Variants in NOPCHAP1 observed in about 807,000 individuals in gnomAD.
The protein encoded by NOPCHAP1 is NOP protein chaperone 1, also known as DNA damage-sensitive RNA 1.
NOPCHAP1 carries 13 observed loss-of-function variants against 14.0 expected under a neutral mutation model. The observed-to-expected ratio is 0.93, with a 90% CI of 0.60 to 1.47. The LOEUF is 1.47. Ranked by LOEUF, NOPCHAP1 falls within the 40% of genes most tolerant of loss-of-function variation. The probability of loss-of-function intolerance (pLI) is 0.00; values close to 1 mark genes in which losing one functional copy is unlikely to be tolerated. For missense variants in NOPCHAP1, 230 were observed against 226.9 expected, an observed-to-expected ratio of 1.01 and a Z score of -0.09; for synonymous variants, 78 against 78.4, an observed-to-expected ratio of 1.00 and a Z score of 0.03.
At position 105,016,209 on chromosome 12, in the gene NOPCHAP1, GACT is replaced by G; in HGVS notation, c.*21515_*21517del. The G allele has an allele frequency of 6.6e-6, 1 of 152,092 alleles. No individual in the cohort carries two copies. Among genetic ancestry groups the G allele is most frequent in the Non-Finnish European group, 1.5e-5 (1 of 68,018 alleles). 9.4% of individuals were successfully genotyped at this position (152,092 alleles called of 1,614,324 possible). ...ATGACGGATATCTCAGTAGTGAAAA[GACT>G]ATAGGAAATGAAGAAGTAATTCACA... On this transcript the variant is annotated 3_prime_UTR_variant, in exon 4 of 4. Coordinates refer to ENST00000552951, the MANE Select transcript of NOPCHAP1 (RefSeq NM_152318.3).
At chr12:104,986,794 G>C (rs2136024407) in intron 1 of NOPCHAP1, among the ~76,000 whole-genome samples, 1 of 152,356 alleles carries the variant, frequency 6.6e-6, no homozygotes, top group East Asian at 1.9e-4. Flanking sequence ...TTTGGGGAAG[G>C]GAGGGCTTTT....
At chr12:104,991,912 A>T in intron 3 of NOPCHAP1, 64 bp downstream of exon 3, 1 of 1,507,040 alleles carries the variant, frequency 6.6e-7, no homozygotes, top group Non-Finnish European at 8.9e-7. Flanking sequence ...GAAGAAGAGA[A>T]CTTTTCCATT....
In NOPCHAP1 at chr12:105,007,914, CA is replaced by C. The variant is rs945445398; in HGVS notation, c.*13219del. 8.5e-5 allele frequency: 13 copies of C among 152,194 alleles called. No individual in the cohort carries two copies. Among genetic ancestry groups the C allele is most frequent in the Non-Finnish European group, 2.9e-5 (2 of 68,050 alleles). The allele number at this position is 152,194 out of a possible 1,614,324, so 9.4% of individuals were successfully genotyped here. A position where few individuals can be genotyped will look rare whatever the true frequency, so the allele number is the denominator to read the frequency against. On this transcript the variant is annotated 3_prime_UTR_variant, in exon 4 of 4. Coordinates refer to ENST00000552951, the MANE Select transcript of NOPCHAP1 (RefSeq NM_152318.3). ...CTTTATCTAGTCTATCACTGATGGG[CA>C]TTTGGGTTGGTTCCAAGTCTTTGCT...
rs1208843651 is a variant in NOPCHAP1, at chr12:105,015,771, C to G, written c.*21075C>G. Reference sequence around the variant, plus strand: ...CTCTGGGGGGTCTTGGAATGTATCCCCCATGGATAAGACTACTTGTATAAT... The same window carrying G: ...CTCTGGGGGGTCTTGGAATGTATCCGCCATGGATAAGACTACTTGTATAAT... On this transcript the variant is annotated 3_prime_UTR_variant, in exon 4 of 4. Transcript: ENST00000552951. 1 of 151,954 alleles carries G rather than the reference C, an allele frequency of 6.6e-6. No individual in the cohort carries two copies. The highest frequency in any genetic ancestry group is 1.5e-5 in the Non-Finnish European group (1 of 68,016). The allele number at this position is 151,954 out of a possible 1,614,324, so 9.4% of individuals were successfully genotyped here.
At chr12:104,986,681 A>G (rs1873245125) in intron 1 of NOPCHAP1, among the ~76,000 whole-genome samples, 1 of 152,126 alleles carries the variant, frequency 6.6e-6, no homozygotes, top group Non-Finnish European at 1.5e-5. Flanking sequence ...TGGTTTCCCC[A>G]GCTAGTGGTT....
rs1873690764 is a variant in NOPCHAP1, at chr12:105,005,578, A to T, written c.*10882A>T. 1 of 152,262 alleles carries T rather than the reference A, an allele frequency of 6.6e-6. No homozygotes were observed. The highest frequency in any genetic ancestry group is 2.4e-5 in the African/African-American group (1 of 41,470). The allele number at this position is 152,262 out of a possible 1,614,324, so 9.4% of individuals were successfully genotyped here. A position where few individuals can be genotyped will look rare whatever the true frequency, so the allele number is the denominator to read the frequency against. On this transcript the variant is annotated 3_prime_UTR_variant, in exon 4 of 4. Coordinates refer to ENST00000552951, the MANE Select transcript of NOPCHAP1 (RefSeq NM_152318.3). ...GCTTGTGACCAGTCTGATTGGTTGCAGGAGGGGACCAGAAGTACTTGCCAT... is the reference window on the plus strand; with the variant it reads ...GCTTGTGACCAGTCTGATTGGTTGCTGGAGGGGACCAGAAGTACTTGCCAT...
rs1452525203 is a variant in NOPCHAP1 at position 104,996,092 on chromosome 12, T to G, written c.*1396T>G. 6.6e-6 allele frequency: 1 copy of G among 152,210 alleles called. No homozygotes were observed. The highest frequency in any genetic ancestry group is 2.4e-5 in the African/African-American group (1 of 41,446). 9.4% of individuals were successfully genotyped at this position (152,210 alleles called of 1,614,324 possible). A position where few individuals can be genotyped will look rare whatever the true frequency, so the allele number is the denominator to read the frequency against. On this transcript the variant is annotated 3_prime_UTR_variant, in exon 4 of 4. Coordinates refer to ENST00000552951, the MANE Select transcript of NOPCHAP1 (RefSeq NM_152318.3). ...TAATAGGAGGTATTTATGGGGACTT[T>G]TGGGGAAGCTATTTGGAAGGCAGGA... is the stretch of plus-strand genomic sequence containing the variant.
Sources: gnomAD v4.1 joint callset for allele counts (sites outside exome capture counted in the v4.1 genomes callset) on GRCh38, gnomAD v4.1.1 for gene constraint, MANE v1.5 for transcripts, NCBI Gene and HGNC (gene_info 2026-07-23, HGNC 2026-07-21) for gene names.